ASXL3: variants seen among roughly 807,000 people sequenced by gnomAD.
The protein encoded by ASXL3 is putative Polycomb group protein ASXL3.
ASXL3 carries 34 observed loss-of-function variants against 170.6 expected under a neutral mutation model. The observed-to-expected ratio is 0.20, with a 90% CI of 0.15 to 0.27. The LOEUF (loss-of-function observed/expected upper bound fraction) is 0.27. Ranked by LOEUF, ASXL3 falls within the 10% of genes least tolerant of loss-of-function variation. The pLI, the probability that ASXL3 is intolerant of heterozygous loss-of-function variation, is 1.00. For synonymous variants in ASXL3, 1,002 were observed against 989.1 expected, an observed-to-expected ratio of 1.01 and a Z score of -0.24; for missense variants, 2,592 against 2,695.3, an observed-to-expected ratio of 0.96 and a Z score of 0.85.
intron 7 of ASXL3, among the ~76,000 whole-genome samples, chr18:33,679,137 A>G (rs1284297505): frequency 1.3e-5 from 2 of 152,196 alleles, no homozygotes; most frequent in South Asian, 2.1e-4. Context: ...GTTACTCTCA[A>G]TAAATGACCT....
Position 33,646,356 on chromosome 18 carries a change from A to G in ASXL3, c.355+3A>G, listed in dbSNP as rs2065913689. ...TGCCCATGGAGAAGAAAATGGAGGTAAGTGTGATGAATTCCAAAATATAAT... is the reference window on the plus strand; with the variant it reads ...TGCCCATGGAGAAGAAAATGGAGGTGAGTGTGATGAATTCCAAAATATAAT... On this transcript the variant is annotated splice_donor_region_variant and intron_variant, in intron 4 of 11. Transcript: ENST00000269197. 3 of 1,596,036 alleles carry G rather than the reference A, an allele frequency of 1.9e-6. No homozygotes were observed. The highest frequency in any genetic ancestry group is 2.6e-6 in the Non-Finnish European group (3 of 1,166,848).
intron 5 of ASXL3, among the ~76,000 whole-genome samples, chr18:33,665,040 G>C (rs1252445280): frequency 1.3e-5 from 2 of 151,980 alleles, no homozygotes; most frequent in Non-Finnish European, 2.9e-5. Flanking sequence ...CTTTCTGCCT[G>C]GGTATTTTAG....
In ASXL3 at chr18:33,617,924, T is replaced by A. The variant is rs8091559; in HGVS notation, c.137+10248T>A. Among the ~76,000 whole-genome samples the A allele has an allele frequency of 3.3e-3, 502 of 152,216 alleles. 2 individuals are homozygous for A. The highest frequency in any genetic ancestry group is 0.011 in the African/African-American group (472 of 41,544). ...TTTAACTGGGATGATTTTATTTAAT[T>A]TTTTTTCTAAGTGGAGCTCTTCTCT... is the stretch of plus-strand genomic sequence containing the variant. On this transcript the variant is annotated intron_variant, in intron 2 of 11. Transcript: ENST00000269197.
chr18:33,739,427 T>G lies in ASXL3; in HGVS notation c.2023T>G (p.Ser675Ala). 6.2e-7 allele frequency: 1 copy of G among 1,613,956 alleles called. No homozygotes were observed. Among genetic ancestry groups the G allele is most frequent in the Non-Finnish European group, 8.5e-7 (1 of 1,179,882 alleles). Residue 675 changes from serine to alanine, a missense_variant, in exon 11 of 12, where the codon TCT (serine) becomes GCT (alanine). Physicochemically the swap from Ser to Ala is moderately conservative, Grantham distance 99. Transcript: ENST00000269197. ...TTCCACTGATGAAAACTTTCATGCA[T>G]CTTTGATGTCAGAAATATCTCCAAT... is the stretch of plus-strand genomic sequence containing the variant. ...RNSTDENFHA[S>A]LMSEISPIST... is the part of the protein sequence containing the mutation.
At chr18:33,705,238 C>G (rs2066937404) in intron 8 of ASXL3, among the ~76,000 whole-genome samples, 2 of 151,244 alleles carry the variant, frequency 1.3e-5, no homozygotes, top group African/African-American at 4.8e-5. Flanking sequence ...ATGAAGCTAC[C>G]ATTTATTATG....
intron 10 of ASXL3, among the ~76,000 whole-genome samples, chr18:33,734,994 A>C (rs1206783347): frequency 2.0e-5 from 3 of 152,074 alleles, no homozygotes; most frequent in East Asian, 3.9e-4. Context: ...AAGCAGTTTC[A>C]CCTTTGCCTC....
At chr18:33,725,420 T>C (rs1037103986) in intron 8 of ASXL3, among the ~76,000 whole-genome samples, 3 of 152,120 alleles carry the variant, frequency 2.0e-5, no homozygotes, top group African/African-American at 4.8e-5. Flanking sequence ...GCTCCGATTT[T>C]CTTCCTACCT....
chr18:33,679,668 G>A (rs925114360), intron 7 of ASXL3, among the ~76,000 whole-genome samples: 1 of 152,086 alleles, frequency 6.6e-6, no homozygotes, highest in Non-Finnish European at 1.5e-5. Context: ...ATGTGGGAAA[G>A]AGGGCGTTGC....
intron 4 of ASXL3, among the ~76,000 whole-genome samples, chr18:33,656,669 A>G (rs936638323): frequency 6.6e-6 from 1 of 152,132 alleles, no homozygotes; most frequent in South Asian, 2.1e-4. Context: ...AAAGATGGCA[A>G]AGAGAAATCT....
chr18:33,621,384 T>C (rs529360597), intron 2 of ASXL3, among the ~76,000 whole-genome samples: 1 of 152,184 alleles, frequency 6.6e-6, no homozygotes, highest in Non-Finnish European at 1.5e-5. Context: ...AATGGAACTA[T>C]TGAAATAGTT....
At chr18:33,660,290 A>C (rs146928962) in intron 4 of ASXL3, among the ~76,000 whole-genome samples, 1 of 152,246 alleles carries the variant, frequency 6.6e-6, no homozygotes, top group East Asian at 1.9e-4. Context: ...TTATTTTCCT[A>C]AATTTGTTCA....
chr18:33,676,552 G>A (rs191792975), intron 7 of ASXL3, among the ~76,000 whole-genome samples: 54 of 152,216 alleles, frequency 3.5e-4, no homozygotes, highest in Non-Finnish European at 7.1e-4. Flanking sequence ...TCTTAATCAA[G>A]TACAATAGAA....
intron 8 of ASXL3, among the ~76,000 whole-genome samples, chr18:33,711,999 T>A (rs1434048252): frequency 6.6e-6 from 1 of 152,202 alleles, no homozygotes; most frequent in Non-Finnish European, 1.5e-5. Context: ...TCCTCCAATT[T>A]CTGGTTTACA....
chr18:33,677,584 A>G (rs1489737967), intron 7 of ASXL3, among the ~76,000 whole-genome samples: 2 of 152,208 alleles, frequency 1.3e-5, no homozygotes, highest in East Asian at 1.9e-4. Context: ...AATGTATTAT[A>G]AAAAGATAGG....
chr18:33,611,762 C>T (rs146338015), intron 2 of ASXL3, among the ~76,000 whole-genome samples: 39 of 152,090 alleles, frequency 2.6e-4, no homozygotes, highest in Admixed American at 2.3e-3. Context: ...GAGAGGAGTA[C>T]GTCTAGTTAC....
At chr18:33,731,505 G>A (rs951924507) in intron 8 of ASXL3, among the ~76,000 whole-genome samples, 7 of 151,980 alleles carry the variant, frequency 4.6e-5, no homozygotes, top group Non-Finnish European at 7.4e-5. Context: ...ACTCTCATGC[G>A]GCTGCATCAG....
intron 1 of ASXL3, chr18:33,605,573 A>G (rs993545906): frequency 6.6e-6 from 1 of 152,174 alleles, no homozygotes; most frequent in African/African-American, 2.4e-5. Flanking sequence ...GGACAGGGCT[A>G]TCCAAATTCT....
intron 4 of ASXL3, among the ~76,000 whole-genome samples, chr18:33,660,016 T>C (rs1388390437): frequency 2.6e-5 from 4 of 152,134 alleles, no homozygotes; most frequent in African/African-American, 4.8e-5. Flanking sequence ...TCTTTAGATA[T>C]GATATTTTCT....
chr18:33,625,823 A>G (rs1252220613), intron 2 of ASXL3: 2 of 152,184 alleles, frequency 1.3e-5, no homozygotes, highest in African/African-American at 2.4e-5. Context: ...AGTGGAGATA[A>G]GAAGACAGAA....
Sources: allele counts gnomAD v4.1 joint callset (sites outside exome capture counted in the v4.1 genomes callset), GRCh38; gene constraint gnomAD v4.1.1; transcripts MANE v1.5; gene names NCBI Gene and HGNC (gene_info 2026-07-23, HGNC 2026-07-21).